The following SLCO3A1 variants were observed in gnomAD, a reference collection of about 807,000 sequenced individuals.
SLCO3A1 encodes solute carrier organic anion transporter family member 3A1.
SLCO3A1 carries 27 observed loss-of-function variants against 63.1 expected under a neutral mutation model. The observed-to-expected ratio is 0.43, with a 90% CI of 0.32 to 0.59. The LOEUF is 0.59. SLCO3A1 is among the 20% of genes least tolerant of loss of function. SLCO3A1 has a pLI of 0.09. For missense variants in SLCO3A1, 773 were observed against 945.8 expected (o/e 0.82, Z 2.40); for synonymous variants, 473 against 409.9 (o/e 1.15, Z -1.86).
chr15:91,949,472 A>G (rs1470721378), intron 2 of SLCO3A1, among the ~76,000 whole-genome samples: 2 of 152,028 alleles, frequency 1.3e-5, no homozygotes, highest in African/African-American at 2.4e-5. Flanking sequence ...CCTACTAAAA[A>G]TATAAAAATT....
chr15:91,931,695 T>C (rs990888128), intron 2 of SLCO3A1, among the ~76,000 whole-genome samples: 3 of 151,894 alleles, frequency 2.0e-5, no homozygotes, highest in Non-Finnish European at 4.4e-5. Context: ...GGTCTCCAGC[T>C]CTTGACCTCA....
At position 91,900,758 on chromosome 15, in the gene SLCO3A1, TCTTC is replaced by T. The variant is rs1898133808; in HGVS notation, c.181-15231_181-15228del. On this transcript the variant is annotated intron_variant, in intron 1 of 9. Coordinates refer to ENST00000318445, the MANE Select transcript of SLCO3A1 (RefSeq NM_013272.4). The surrounding 1 kb of genome is among the most constrained non-coding windows in gnomAD (Gnocchi z 4.3). ...CAAATGCTTATTAGACATTTGTATATCTTCCTTGGTGAAATATCTCCTCAAATTA... is the reference window on the plus strand; with the variant it reads ...CAAATGCTTATTAGACATTTGTATATCTTGGTGAAATATCTCCTCAAATTA... 6.6e-6 allele frequency among the ~76,000 whole-genome samples: 1 copy of T among 152,256 alleles called. No individual in the cohort carries two copies. Among genetic ancestry groups the T allele is most frequent in the Non-Finnish European group, 1.5e-5 (1 of 68,040 alleles).
intron 1 of SLCO3A1, among the ~76,000 whole-genome samples, chr15:91,911,247 A>G (rs532799884): frequency 1.3e-5 from 2 of 152,214 alleles, no homozygotes; most frequent in Non-Finnish European, 2.9e-5. Flanking sequence ...AGGAGGCGAT[A>G]ATTTCAATTT....
chr15:92,172,107 T>A (rs1464867819), exon 11 of SLCO3A1: 10 of 440,464 alleles, frequency 2.3e-5, no homozygotes, highest in African/African-American at 2.0e-4. Context: ...CTCTAAAGAG[T>A]CATGCTGACC....
intron 2 of SLCO3A1, among the ~76,000 whole-genome samples, chr15:92,007,757 C>T (rs190134440): frequency 6.6e-6 from 1 of 152,176 alleles, no homozygotes; most frequent in African/African-American, 2.4e-5. Flanking sequence ...TTTGGGGCAT[C>T]ATGCATTAAA....
chr15:91,930,674 G>T (rs61544920), intron 2 of SLCO3A1, among the ~76,000 whole-genome samples: 1 of 152,300 alleles, frequency 6.6e-6, no homozygotes, highest in East Asian at 1.9e-4. Flanking sequence ...GGGATACATG[G>T]ATGAATCAGA....
At chr15:92,168,252 A>C (rs2048503691), downstream of SLCO3A1, among the ~76,000 whole-genome samples, 1 of 152,314 alleles carries the variant, frequency 6.6e-6, no homozygotes, top group Admixed American at 6.5e-5. Context: ...GGTGGCCTAG[A>C]AACTAAGAAC....
chr15:91,975,449 G>A (rs1901065395), intron 2 of SLCO3A1, among the ~76,000 whole-genome samples: 2 of 152,328 alleles, frequency 1.3e-5, no homozygotes, highest in African/African-American at 2.4e-5. Context: ...AGTTACAGGA[G>A]GAACCATTGG....
chr15:91,866,769 C>T (rs1377655447), intron 1 of SLCO3A1, among the ~76,000 whole-genome samples: 1 of 151,864 alleles, frequency 6.6e-6, no homozygotes, highest in African/African-American at 2.4e-5. Flanking sequence ...TTCATTAGGA[C>T]GTTTCAGGTC....
chr15:91,956,583 A>C (rs1473552786), intron 2 of SLCO3A1, among the ~76,000 whole-genome samples: 1 of 151,798 alleles, frequency 6.6e-6, no homozygotes, highest in East Asian at 1.9e-4. Flanking sequence ...AGCAGAGGGG[A>C]ATTTGGCTTC....
intron 2 of SLCO3A1, among the ~76,000 whole-genome samples, chr15:91,936,421 G>A (rs1312644739): frequency 6.6e-6 from 1 of 152,246 alleles, no homozygotes; most frequent in East Asian, 1.9e-4. Context: ...CGAAGACCCA[G>A]TAGCCACATG....
intron 2 of SLCO3A1, among the ~76,000 whole-genome samples, chr15:92,029,815 A>G (rs2046623522): frequency 6.6e-6 from 1 of 151,182 alleles, no homozygotes; most frequent in Non-Finnish European, 1.5e-5. Context: ...ACTTGGCTTC[A>G]TACATTTTTA....
intron 1 of SLCO3A1, among the ~76,000 whole-genome samples, chr15:91,878,675 A>G (rs1897467377): frequency 6.6e-6 from 1 of 152,196 alleles, no homozygotes; most frequent in Non-Finnish European, 1.5e-5. Flanking sequence ...ACCATCCAGA[A>G]CTGTCATCTC....
intron 2 of SLCO3A1, among the ~76,000 whole-genome samples, chr15:92,078,853 G>A (rs551991541): frequency 6.6e-6 from 1 of 152,240 alleles, no homozygotes; most frequent in East Asian, 1.9e-4. Flanking sequence ...CATCAGCACC[G>A]TCATCCTCAC....
chr15:91,906,731 AAC>A (rs1326892928), intron 1 of SLCO3A1, among the ~76,000 whole-genome samples: 1 of 152,256 alleles, frequency 6.6e-6, no homozygotes, highest in Non-Finnish European at 1.5e-5. Context: ...AAAGGTGTGA[AAC>A]ACAAACTATT....
At chr15:92,118,754 C>G (rs1216118847) in intron 4 of SLCO3A1, among the ~76,000 whole-genome samples, 1 of 152,166 alleles carries the variant, frequency 6.6e-6, no homozygotes, top group Non-Finnish European at 1.5e-5. Context: ...TGGTGTAGTA[C>G]CTCCTTCCTC....
At chr15:92,081,094 C>A (rs4984331) in intron 2 of SLCO3A1, among the ~76,000 whole-genome samples, 11,096 of 151,678 alleles carry the variant, frequency 0.073, 853 homozygotes, top group East Asian at 0.26. Flanking sequence ...TTTGTGTTAC[C>A]GACATTCCAG....
chr15:92,154,530 C>T (rs1195753774), intron 9 of SLCO3A1, among the ~76,000 whole-genome samples: 1 of 152,142 alleles, frequency 6.6e-6, no homozygotes, highest in African/African-American at 2.4e-5. Flanking sequence ...AGGGGGCCAT[C>T]TTTGATGCAC....
chr15:92,066,054 C>G (rs114576511), intron 2 of SLCO3A1, among the ~76,000 whole-genome samples: 2 of 152,356 alleles, frequency 1.3e-5, no homozygotes, highest in African/African-American at 4.8e-5. Flanking sequence ...TGGGGACCAG[C>G]CACCCTCCAT....
Sources: allele counts gnomAD v4.1 joint callset (sites outside exome capture counted in the v4.1 genomes callset), GRCh38; gene constraint gnomAD v4.1.1; non-coding constraint Gnocchi (gnomAD v3.1); transcripts MANE v1.5; gene names NCBI Gene and HGNC (gene_info 2026-07-23, HGNC 2026-07-21).